TCF7L2: variants seen among roughly 807,000 people sequenced by gnomAD.
TCF7L2 encodes transcription factor 7-like 2.
In TCF7L2, 23 loss-of-function variants were observed where a neutral mutation model predicts 77.9. That is an observed-to-expected ratio of 0.30 (90% CI 0.21 to 0.42). The LOEUF (loss-of-function observed/expected upper bound fraction) is 0.42, where lower values mean the gene tolerates loss of function less well. Ranked by LOEUF, TCF7L2 falls within the 10% of genes least tolerant of loss-of-function variation. TCF7L2 has a pLI of 1.00. For synonymous variants in TCF7L2, 413 were observed against 340.2 expected, an observed-to-expected ratio of 1.21 and a Z score of -2.36; for missense variants, 654 against 793.1, an observed-to-expected ratio of 0.82 and a Z score of 2.11.
intron 5 of TCF7L2, among the ~76,000 whole-genome samples, chr10:113,088,691 G>A (rs187060962): frequency 1.1e-4 from 16 of 152,210 alleles, no homozygotes; most frequent in African/African-American, 2.6e-4. Flanking sequence ...ACATGGTGCC[G>A]CTTGCCTGAG....
chr10:112,969,438 C>G (rs1420699585), intron 4 of TCF7L2, among the ~76,000 whole-genome samples: 7 of 152,146 alleles, frequency 4.6e-5, no homozygotes, highest in Non-Finnish European at 1.5e-5. Flanking sequence ...GAATAAAGTT[C>G]TAGTAACATT....
chr10:113,024,689 G>A (rs1195452748), intron 4 of TCF7L2, among the ~76,000 whole-genome samples: 1 of 142,270 alleles, frequency 7.0e-6, no homozygotes, highest in Non-Finnish European at 1.5e-5. Context: ...GTGTGATCTC[G>A]GCTCACTGCA....
At chr10:113,028,581 G>A (rs998201807) in intron 4 of TCF7L2, among the ~76,000 whole-genome samples, 10 of 152,176 alleles carry the variant, frequency 6.6e-5, no homozygotes, top group African/African-American at 2.4e-4. Context: ...CACGGGGTGC[G>A]GTTTCAGTTG....
chr10:113,051,236 CACACACAGACACAT>C (rs1015060772), intron 5 of TCF7L2, among the ~76,000 whole-genome samples: 12 of 148,550 alleles, frequency 8.1e-5, no homozygotes, highest in Admixed American at 4.7e-4. Flanking sequence ...CACACACACA[CACACACAGACACAT>C]ACATATGCAC....
At position 113,077,521 on chromosome 10, in the gene TCF7L2, A is replaced by G. The variant is rs57950688; in HGVS notation, c.552+37395A>G. ...CCACTCTGCCTTCTCCCCCATGCCC[A>G]AGGCAACTGTCAATCTACTTTCTGT... On this transcript the variant is annotated intron_variant, in intron 5 of 13. Coordinates refer to ENST00000627217, the MANE Select transcript of TCF7L2 (RefSeq NM_001146274.2). Among the ~76,000 whole-genome samples the G allele has an allele frequency of 2.8e-3, 430 of 151,888 alleles. 2 individuals are homozygous for G. The highest frequency in any genetic ancestry group is 0.01 in the African/African-American group (421 of 41,422).
chr10:112,966,418 T>G (rs10885399), intron 4 of TCF7L2, among the ~76,000 whole-genome samples: 3 of 151,274 alleles, frequency 2.0e-5, no homozygotes, highest in African/African-American at 7.3e-5. Context: ...ATAGTAAGTC[T>G]TGCTCCCAGA....
intron 4 of TCF7L2, among the ~76,000 whole-genome samples, chr10:112,985,747 G>GCC (rs202223977): frequency 1.3e-5 from 2 of 151,512 alleles, no homozygotes; most frequent in African/African-American, 4.9e-5. Context: ...AGAGGTGAAT[G>GCC]CCCCCCCCTT....
intron 12 of TCF7L2, 86 bp from the exon 13 acceptor site, chr10:113,158,581 A>G (rs1433580966): frequency 7.5e-7 from 1 of 1,336,952 alleles, no homozygotes; most frequent in African/African-American, 1.5e-5. Context: ...AGGCAATCTC[A>G]GAGGTCCCTT....
intron 4 of TCF7L2, among the ~76,000 whole-genome samples, chr10:113,014,542 C>G (rs1022446086): frequency 2.0e-5 from 3 of 152,302 alleles, no homozygotes; most frequent in Admixed American, 6.5e-5. Context: ...CCTGTAATCC[C>G]AGCACTTTGG....
At chr10:112,964,500 G>A (rs2036040523) in intron 3 of TCF7L2, 56 bp from the exon 4 acceptor site, 4 of 1,539,938 alleles carry the variant, frequency 2.6e-6, no homozygotes, top group Non-Finnish European at 3.6e-6. Context: ...TGCTTAAGAT[G>A]TTTTCTTGTA....
At chr10:113,118,759 T>C (rs1368882751) in intron 5 of TCF7L2, among the ~76,000 whole-genome samples, 1 of 151,922 alleles carries the variant, frequency 6.6e-6, no homozygotes, top group Non-Finnish European at 1.5e-5. Context: ...TTTATAAACT[T>C]TCTATTAAAG....
chr10:113,037,997 C>G (rs2051653561), intron 4 of TCF7L2, among the ~76,000 whole-genome samples: 1 of 152,104 alleles, frequency 6.6e-6, no homozygotes, highest in African/African-American at 2.4e-5. Flanking sequence ...TGAGATGGGG[C>G]AGTTTAGATT....
chr10:112,959,470 A>G (rs1279209928), intron 3 of TCF7L2, among the ~76,000 whole-genome samples: 3 of 152,252 alleles, frequency 2.0e-5, no homozygotes, highest in Non-Finnish European at 4.4e-5. Flanking sequence ...TTGAGACAGT[A>G]GGAGAGATTG....
chr10:112,999,825 G>C (rs952459922), intron 4 of TCF7L2, among the ~76,000 whole-genome samples: 1 of 152,088 alleles, frequency 6.6e-6, no homozygotes, highest in Non-Finnish European at 1.5e-5. Flanking sequence ...TGTCTATATC[G>C]TGTTAGAACT....
At chr10:112,983,816 A>G (rs938750886) in intron 4 of TCF7L2, among the ~76,000 whole-genome samples, 6 of 152,222 alleles carry the variant, frequency 3.9e-5, no homozygotes, top group Non-Finnish European at 2.9e-5. Flanking sequence ...TGCACACAGC[A>G]TAGGTCAGCT....
chr10:113,067,580 G>A (rs1374984606), intron 5 of TCF7L2, among the ~76,000 whole-genome samples: 2 of 152,190 alleles, frequency 1.3e-5, no homozygotes, highest in African/African-American at 4.8e-5. Flanking sequence ...AAGAAGTAGT[G>A]CTAGGCTTTT....
intron 13 of TCF7L2, among the ~76,000 whole-genome samples, chr10:113,165,055 ACACT>A (rs1435889382): frequency 6.6e-6 from 1 of 152,226 alleles, no homozygotes; most frequent in African/African-American, 2.4e-5. Context: ...AAACACACAC[ACACT>A]CACACTCACA....
chr10:113,008,300 A>C (rs989793118), intron 4 of TCF7L2, among the ~76,000 whole-genome samples: 1 of 152,174 alleles, frequency 6.6e-6, no homozygotes, highest in Non-Finnish European at 1.5e-5. Context: ...GTGTATGCTC[A>C]GAGCATCCTT....
At chr10:112,973,302 C>T (rs893356960) in intron 4 of TCF7L2, among the ~76,000 whole-genome samples, 6 of 152,310 alleles carry the variant, frequency 3.9e-5, no homozygotes, top group African/African-American at 1.4e-4. Flanking sequence ...CGGACTAGGG[C>T]AAGGGTTCCC....
Sources: allele counts gnomAD v4.1 joint callset (sites outside exome capture counted in the v4.1 genomes callset), GRCh38; gene constraint gnomAD v4.1.1; transcripts MANE v1.5; gene names NCBI Gene and HGNC (gene_info 2026-07-23, HGNC 2026-07-21).